The following HECTD4 variants were observed in gnomAD, a reference collection of about 807,000 sequenced individuals.
The protein encoded by HECTD4 is HECT domain E3 ubiquitin protein ligase 4.
Under a neutral mutation model 471.5 loss-of-function variants are expected in HECTD4, and 114 were observed. The observed-to-expected ratio is 0.24, with a 90% confidence interval of 0.21 to 0.28. HECTD4 has a LOEUF of 0.28. HECTD4 is among the 10% of genes least tolerant of loss of function. The pLI is 1.00. For missense variants in HECTD4, 3,866 were observed against 5,651.5 expected (o/e 0.68, Z 10.13); for synonymous variants, 2,012 against 2,256.0 (o/e 0.89, Z 3.07).
At chr12:112,265,745 T>C (rs1483140602) in intron 15 of HECTD4, 133 bp downstream of exon 15, 1 of 648,712 alleles carries the variant, frequency 1.5e-6, no homozygotes, top group Non-Finnish European at 2.7e-6. Flanking sequence ...TTTCAACTGG[T>C]CCATGCTTTA....
chr12:112,163,015 T>C lies in HECTD4; in HGVS notation c.13120+27A>G. On this transcript the variant is annotated intron_variant, in intron 75 of 75. Coordinates refer to ENST00000682272, the MANE Select transcript of HECTD4 (RefSeq NM_001388303.1). The surrounding 1 kb of genome is among the most constrained non-coding windows in gnomAD (Gnocchi z 8.2). ...AGAGAAAGGCTAGTGTGTCCCTACTTGGGACATGGCCAGGGGAGGGCGGTA... is the reference window on the plus strand; with the variant it reads ...AGAGAAAGGCTAGTGTGTCCCTACTCGGGACATGGCCAGGGGAGGGCGGTA... 1 of 1,523,790 alleles carries C rather than the reference T, an allele frequency of 6.6e-7. No homozygotes were observed. The highest frequency in any genetic ancestry group is 9.0e-7 in the Non-Finnish European group (1 of 1,108,020). 94.4% of individuals were successfully genotyped at this position (1,523,790 alleles called of 1,614,324 possible).
At chr12:112,202,231 T>C (rs1272847928) in intron 54 of HECTD4, among the ~76,000 whole-genome samples, 1 of 151,724 alleles carries the variant, frequency 6.6e-6, no homozygotes, top group Non-Finnish European at 1.5e-5. Context: ...TTTGAGACAG[T>C]GTCTTGCTCT....
chr12:112,362,949 G>C (rs2036481320), intron 1 of HECTD4, among the ~76,000 whole-genome samples: 2 of 152,122 alleles, frequency 1.3e-5, no homozygotes, highest in Non-Finnish European at 1.5e-5. Flanking sequence ...TGGTCCAACT[G>C]TCTGGGCCTC....
Position 112,273,804 on chromosome 12 carries a change from A to C in HECTD4, c.1802-9T>G. On this transcript the variant is annotated splice_polypyrimidine_tract_variant and intron_variant, in intron 10 of 75. Coordinates refer to ENST00000682272, the MANE Select transcript of HECTD4 (RefSeq NM_001388303.1). ...TGTGTCATAACACGCTCCTGCAAAA[A>C]GAGCATACTGTATTCAGTCACCATG... is the stretch of plus-strand genomic sequence containing the variant. 1 of 1,613,456 alleles carries C rather than the reference A, an allele frequency of 6.2e-7. No individual in the cohort carries two copies. Among genetic ancestry groups the C allele is most frequent in the Non-Finnish European group, 8.5e-7 (1 of 1,179,784 alleles).
In HECTD4 at chr12:112,243,800, ACACT is replaced by A; in HGVS notation, c.4650-43_4650-40del. ...AGAACAGACTGGCAAGACGAGAAAC[ACACT>A]CAGGGAGCTTGTTTTGATGAATGCA... On this transcript the variant is annotated intron_variant, in intron 30 of 75. Transcript: ENST00000682272. The surrounding 1 kb of genome is among the most constrained non-coding windows in gnomAD (Gnocchi z 6.6). 2 of 1,608,862 alleles carry A rather than the reference ACACT, an allele frequency of 1.2e-6. No homozygotes were observed. Among genetic ancestry groups the A allele is most frequent in the East Asian group, 2.2e-5 (1 of 44,748 alleles).
At chr12:112,187,422 G>A (rs1440070341) in intron 60 of HECTD4, among the ~76,000 whole-genome samples, 1 of 151,992 alleles carries the variant, frequency 6.6e-6, no homozygotes, top group Non-Finnish European at 1.5e-5. Flanking sequence ...TTGATTGATT[G>A]AGACAGGGTC....
chr12:112,230,575 TC>T, intron 40 of HECTD4, 111 bp downstream of exon 40: 6 of 1,266,950 alleles, frequency 4.7e-6, no homozygotes, highest in Non-Finnish European at 6.4e-6. Flanking sequence ...TTAACAGGTA[TC>T]TGATGAATTT....
chr12:112,201,920 A>C (rs2135532995), intron 54 of HECTD4, among the ~76,000 whole-genome samples: 1 of 152,358 alleles, frequency 6.6e-6, no homozygotes, highest in African/African-American at 2.4e-5. Flanking sequence ...TTTAGGGATT[A>C]TTAAACTGGA....
intron 25 of HECTD4, 94 bp from the exon 26 acceptor site, chr12:112,248,606 G>A: frequency 1.2e-6 from 1 of 849,754 alleles, no homozygotes; most frequent in Admixed American, 3.4e-5. Flanking sequence ...TTAGAGACAA[G>A]GTCTCCCTCT....
intron 72 of HECTD4, among the ~76,000 whole-genome samples, chr12:112,165,209 G>A (rs920248245): frequency 1.3e-5 from 2 of 151,036 alleles, no homozygotes; most frequent in African/African-American, 2.4e-5. Context: ...GAGCCACCGC[G>A]CCTGTCCTCT....
chr12:112,320,597 AC>A (rs1455954250), intron 1 of HECTD4, among the ~76,000 whole-genome samples: 1 of 151,800 alleles, frequency 6.6e-6, no homozygotes, highest in African/African-American at 2.4e-5. Context: ...GCTACTCAGG[AC>A]CCTGAGGCAG....
At chr12:112,171,863 C>CG (rs2031234547) in intron 67 of HECTD4, among the ~76,000 whole-genome samples, 1 of 152,290 alleles carries the variant, frequency 6.6e-6, no homozygotes, top group Admixed American at 6.5e-5. Flanking sequence ...ACCTTGTAAA[C>CG]GGGGGGCGTC....
At chr12:112,182,632 G>A (rs192322471) in intron 62 of HECTD4, among the ~76,000 whole-genome samples, 42 of 152,244 alleles carry the variant, frequency 2.8e-4, no homozygotes, top group Non-Finnish European at 5.1e-4. Context: ...GGGGAAGGCT[G>A]GCTAGACAAA....
At chr12:112,343,632 A>G (rs2036090958) in intron 1 of HECTD4, among the ~76,000 whole-genome samples, 1 of 152,130 alleles carries the variant, frequency 6.6e-6, no homozygotes, top group Non-Finnish European at 1.5e-5. Context: ...TTAGCTGGGC[A>G]TGATGGTACA....
intron 58 of HECTD4, 146 bp downstream of exon 58, chr12:112,192,915 T>A: frequency 8.1e-7 from 1 of 1,227,608 alleles, no homozygotes; most frequent in Non-Finnish European, 1.1e-6. Flanking sequence ...TATAGACTAA[T>A]TCCCCAAACA....
chr12:112,284,997 A>G (rs534484900), intron 7 of HECTD4, among the ~76,000 whole-genome samples: 1 of 152,068 alleles, frequency 6.6e-6, no homozygotes, highest in South Asian at 2.1e-4. Context: ...ACATCTGGCT[A>G]ATTTTTGTAT....
chr12:112,308,768 G>A lies in HECTD4; in HGVS notation c.1149C>T (p.Asp383=), dbSNP rs530894717. The change falls in exon 6 of 76, where the codon GAC becomes GAT. Residue 383 remains aspartate, a synonymous_variant. Transcript: ENST00000682272. ...NKPHSLFQVI[D]QNTLQVCQVV... is the part of the protein sequence containing the mutation. ...TTCTGTTTACCTGAAGGGTGTTCTG[G>A]TCAATGACCTGGAAAAGGGAGTGAG... 23 of 1,535,790 alleles carry A rather than the reference G, an allele frequency of 1.5e-5. No homozygotes were observed. The South Asian group carries it at 2.4e-4, about 16-fold the overall frequency.
At chr12:112,254,483 T>C (rs1224908120) in intron 21 of HECTD4, among the ~76,000 whole-genome samples, 1 of 152,196 alleles carries the variant, frequency 6.6e-6, no homozygotes, top group African/African-American at 2.4e-5. Flanking sequence ...ATCAATATTT[T>C]TGAAATAGCT....
In HECTD4 at chr12:112,376,578, A is replaced by C. The variant is rs192734473; in HGVS notation, c.177+5374T>G. 1.1e-3 allele frequency among the ~76,000 whole-genome samples: 160 copies of C among 152,230 alleles called. 1 individual carries two copies. The highest frequency in any genetic ancestry group is 3.7e-3 in the South Asian group (18 of 4,816). On this transcript the variant is annotated intron_variant, in intron 1 of 75. Coordinates refer to ENST00000682272, the MANE Select transcript of HECTD4 (RefSeq NM_001388303.1). ...GCATTCTTAATTCACTCATAGTAAG[A>C]TCCAAAGCCCTCACCTACAAGGATC... is the stretch of plus-strand genomic sequence containing the variant.
Sources: allele counts gnomAD v4.1 joint callset (sites outside exome capture counted in the v4.1 genomes callset), GRCh38; gene constraint gnomAD v4.1.1; non-coding constraint Gnocchi (gnomAD v3.1); transcripts MANE v1.5; gene names NCBI Gene and HGNC (gene_info 2026-07-23, HGNC 2026-07-21).